SLC44A5: variants seen among roughly 807,000 people sequenced by gnomAD.
The protein encoded by SLC44A5 is choline transporter-like protein 5.
In SLC44A5, 57 loss-of-function variants were observed where a neutral mutation model predicts 101.8. That is an observed-to-expected ratio of 0.56 (90% CI 0.45 to 0.70). The LOEUF is 0.70. Among genes scored for constraint, SLC44A5 ranks in the 30% least tolerant of loss-of-function variants. The probability of loss-of-function intolerance (pLI) is 0.00; values close to 1 mark genes in which losing one functional copy is unlikely to be tolerated. For synonymous variants in SLC44A5, 281 were observed against 290.9 expected, an observed-to-expected ratio of 0.97 and a Z score of 0.35; for missense variants, 737 against 853.1, an observed-to-expected ratio of 0.86 and a Z score of 1.70.
chr1:75,621,461 A>G, the SLC44A5 span, among the ~76,000 whole-genome samples: 2 of 152,172 alleles, frequency 1.3e-5, no homozygotes, highest in Non-Finnish European at 2.9e-5. Flanking sequence ...AAAGACAAAA[A>G]TGAAAATGTA....
At chr1:75,263,910 C>T (rs937970449) in intron 6 of SLC44A5, among the ~76,000 whole-genome samples, 10 of 152,040 alleles carry the variant, frequency 6.6e-5, no homozygotes, top group Admixed American at 5.2e-4. Context: ...TGTTCTCACT[C>T]ATAAGTGGGA....
At chr1:75,679,456 T>G in the SLC44A5 span, among the ~76,000 whole-genome samples, 7 of 152,078 alleles carry the variant, frequency 4.6e-5, no homozygotes, top group African/African-American at 1.7e-4. Context: ...GGGGCCAATA[T>G]TCAACATTCT....
intron 2 of SLC44A5, among the ~76,000 whole-genome samples, chr1:75,411,318 T>C (rs903526666): frequency 3.9e-5 from 6 of 152,108 alleles, no homozygotes; most frequent in African/African-American, 1.4e-4. Context: ...CAAATTTGTC[T>C]AGTGTCAATG....
At chr1:75,316,424 C>T (rs548647879) in intron 4 of SLC44A5, among the ~76,000 whole-genome samples, 15 of 152,194 alleles carry the variant, frequency 9.9e-5, no homozygotes, top group African/African-American at 2.7e-4. Flanking sequence ...AATGTTACCA[C>T]CTCTGTGAAG....
the SLC44A5 span, among the ~76,000 whole-genome samples, chr1:75,674,590 G>A: frequency 1.5e-5 from 2 of 137,846 alleles, no homozygotes; most frequent in African/African-American, 5.6e-5. Context: ...ATGTTGGTGA[G>A]ACTGGTTTCG....
chr1:75,585,077 A>T (rs916169301), intron 1 of SLC44A5, among the ~76,000 whole-genome samples: 2 of 152,204 alleles, frequency 1.3e-5, no homozygotes, highest in Non-Finnish European at 2.9e-5. Flanking sequence ...CAACCCTGGG[A>T]CTTCCTGGTT....
chr1:75,326,547 C>T (rs1008187353), intron 4 of SLC44A5, among the ~76,000 whole-genome samples: 1 of 152,046 alleles, frequency 6.6e-6, no homozygotes, highest in Non-Finnish European at 1.5e-5. Context: ...GGTCTACTAA[C>T]CTGGAGTTAG....
the SLC44A5 span, among the ~76,000 whole-genome samples, chr1:75,673,004 C>T: frequency 1.3e-5 from 2 of 152,166 alleles, no homozygotes; most frequent in Non-Finnish European, 2.9e-5. Context: ...CTGCCGGCTT[C>T]AGGTATGACT....
chr1:75,659,493 G>GAAGGAAGGAAGGAAGGAAGGAAGA, the SLC44A5 span, among the ~76,000 whole-genome samples: 24 of 109,020 alleles, frequency 2.2e-4, 2 homozygotes, highest in East Asian at 2.5e-3. Flanking sequence ...AGGAAGGAAG[G>GAAGGAAGGAAGGAAGGAAGGAAGA]CAGGCAGGCA....
chr1:75,526,518 C>G (rs982197510), intron 2 of SLC44A5, among the ~76,000 whole-genome samples: 1 of 152,088 alleles, frequency 6.6e-6, no homozygotes, highest in Non-Finnish European at 1.5e-5. Flanking sequence ...AGGAAGATCC[C>G]CCATTCATAT....
intron 2 of SLC44A5, among the ~76,000 whole-genome samples, chr1:75,461,001 T>C (rs1463944994): frequency 4.6e-5 from 7 of 151,892 alleles, no homozygotes; most frequent in Non-Finnish European, 4.4e-5. Context: ...TACAGATGTA[T>C]ATCACCATAA....
chr1:75,647,507 A>G, the SLC44A5 span, among the ~76,000 whole-genome samples: 1 of 152,182 alleles, frequency 6.6e-6, no homozygotes, highest in Admixed American at 6.5e-5. Context: ...CCAAAATGGT[A>G]GATCCACTGA....
the SLC44A5 span, among the ~76,000 whole-genome samples, chr1:75,662,867 C>A: frequency 6.6e-6 from 1 of 152,058 alleles, no homozygotes; most frequent in African/African-American, 2.4e-5. Context: ...CACATCCTTT[C>A]ATATAGTCAT....
At chr1:75,422,285 C>T (rs1031451636) in intron 2 of SLC44A5, among the ~76,000 whole-genome samples, 2 of 152,144 alleles carry the variant, frequency 1.3e-5, no homozygotes, top group Non-Finnish European at 2.9e-5. Flanking sequence ...TAGTTATGGA[C>T]ACATCTGGAC....
intron 2 of SLC44A5, among the ~76,000 whole-genome samples, chr1:75,399,084 C>T (rs998225733): frequency 6.6e-6 from 1 of 151,760 alleles, no homozygotes; most frequent in African/African-American, 2.4e-5. Flanking sequence ...GGGATGAGAA[C>T]TGGTAGGAGA....
chr1:75,376,499 C>A (rs1477736333), intron 3 of SLC44A5, among the ~76,000 whole-genome samples: 1 of 152,230 alleles, frequency 6.6e-6, no homozygotes, highest in Admixed American at 6.5e-5. Context: ...TGAGAACGGG[C>A]AGACTGCCTC....
chr1:75,644,604 C>T, the SLC44A5 span, among the ~76,000 whole-genome samples: 3 of 150,722 alleles, frequency 2.0e-5, no homozygotes, highest in East Asian at 3.9e-4. Context: ...AAAAAAAAGC[C>T]TAACAAATTT....
At position 75,541,422 on chromosome 1, in the gene SLC44A5, A is replaced by G. The variant is rs1261436913; in HGVS notation, c.13+13T>C. The G allele has an allele frequency of 6.3e-7, 1 of 1,593,666 alleles. No homozygotes were observed. ...TCCAGATCAAGAGGAACTTAATTCA[A>G]GTAGGTGATTACCTGTGTCATTCAT... On this transcript the variant is annotated intron_variant, in intron 2 of 23. Transcript: ENST00000370859.
At chr1:75,503,685 A>T (rs2101847421) in intron 2 of SLC44A5, among the ~76,000 whole-genome samples, 1 of 152,284 alleles carries the variant, frequency 6.6e-6, no homozygotes, top group African/African-American at 2.4e-5. Flanking sequence ...CCATTGGTAA[A>T]TCAAGTTCCC....
Sources: gnomAD v4.1 joint callset for allele counts (sites outside exome capture counted in the v4.1 genomes callset) on GRCh38, gnomAD v4.1.1 for gene constraint, MANE v1.5 for transcripts, NCBI Gene and HGNC (gene_info 2026-07-23, HGNC 2026-07-21) for gene names.